RBFOX1: variants seen among roughly 807,000 people sequenced by gnomAD.
The protein encoded by RBFOX1 is RNA binding fox-1 homolog 1.
A neutral mutation model predicts 57.7 loss-of-function variants in RBFOX1; 8 were observed. The ratio of observed to expected loss-of-function variants is 0.14; its 90% confidence interval spans 0.08 to 0.25. The LOEUF (loss-of-function observed/expected upper bound fraction) is 0.25. RBFOX1 is among the 10% of genes least tolerant of loss of function. The probability of loss-of-function intolerance (pLI) is 1.00; values close to 1 mark genes in which losing one functional copy is unlikely to be tolerated. For missense variants in RBFOX1, 611 were observed against 548.5 expected, an observed-to-expected ratio of 1.11 and a Z score of -1.14; for synonymous variants, 326 against 222.4, an observed-to-expected ratio of 1.47 and a Z score of -4.15.
chr16:5,289,599 A>G (rs1229375190), intron 1 of RBFOX1, among the ~76,000 whole-genome samples: 2 of 152,240 alleles, frequency 1.3e-5, no homozygotes, highest in Non-Finnish European at 2.9e-5. Flanking sequence ...AAACGTGGTT[A>G]CTACAAAATG....
chr16:6,606,283 A>G (rs2097924214), intron 2 of RBFOX1, among the ~76,000 whole-genome samples: 1 of 152,082 alleles, frequency 6.6e-6, no homozygotes, highest in Non-Finnish European at 1.5e-5. Flanking sequence ...TTAGAAAGCC[A>G]CTTCTTCCTG....
intron 3 of RBFOX1, among the ~76,000 whole-genome samples, chr16:6,803,911 A>G (rs114560641): frequency 0.013 from 1,909 of 152,246 alleles, 48 homozygotes; most frequent in African/African-American, 0.044. Flanking sequence ...AGCTTTTACC[A>G]TTGTTGTAGA....
chr16:6,614,013 C>T (rs1364935828), intron 2 of RBFOX1, among the ~76,000 whole-genome samples: 1 of 152,160 alleles, frequency 6.6e-6, no homozygotes, highest in Admixed American at 6.6e-5. Context: ...AATTACTAAC[C>T]AGAGTTTTTC....
At chr16:6,832,980 C>T (rs187774807) in intron 3 of RBFOX1, among the ~76,000 whole-genome samples, 2 of 152,260 alleles carry the variant, frequency 1.3e-5, no homozygotes, top group East Asian at 1.9e-4. Flanking sequence ...TATGTAACTC[C>T]TGCTCCTCAT....
chr16:6,780,508 TTA>T (rs1377397313), intron 3 of RBFOX1, among the ~76,000 whole-genome samples: 17 of 117,202 alleles, frequency 1.5e-4, no homozygotes, highest in African/African-American at 5.3e-4. Flanking sequence ...TTTTATATAT[TTA>T]TATATACATT....
At chr16:7,306,108 C>G (rs919822357) in intron 4 of RBFOX1, among the ~76,000 whole-genome samples, 1 of 152,064 alleles carries the variant, frequency 6.6e-6, no homozygotes, top group Admixed American at 6.5e-5. Context: ...TATCATTTAC[C>G]TAGCAAGTAG....
chr16:7,309,503 C>G (rs60850474), intron 4 of RBFOX1, among the ~76,000 whole-genome samples: 11,783 of 152,264 alleles, frequency 0.077, 701 homozygotes, highest in South Asian at 0.22. Context: ...TGCAACTGGC[C>G]GCTCCTGCCT....
At chr16:6,307,118 G>C (rs1319420372) in intron 1 of RBFOX1, among the ~76,000 whole-genome samples, 1 of 152,180 alleles carries the variant, frequency 6.6e-6, no homozygotes, top group African/African-American at 2.4e-5. Context: ...GTTGACTAGT[G>C]GTAAAACCTG....
At chr16:6,268,217 C>G (rs1165607699) in intron 1 of RBFOX1, among the ~76,000 whole-genome samples, 3 of 152,136 alleles carry the variant, frequency 2.0e-5, no homozygotes, top group Non-Finnish European at 4.4e-5. Context: ...TGTTCAAATG[C>G]TTTTGTTTTG....
chr16:7,196,532 T>C (rs2086740116), intron 4 of RBFOX1, among the ~76,000 whole-genome samples: 1 of 152,202 alleles, frequency 6.6e-6, no homozygotes, highest in South Asian at 2.1e-4. Flanking sequence ...TGCAACCGGC[T>C]CTTTAAATGC....
intron 4 of RBFOX1, among the ~76,000 whole-genome samples, chr16:7,105,279 T>C (rs1567274869): frequency 9.1e-6 from 1 of 110,328 alleles, no homozygotes; most frequent in Non-Finnish European, 1.8e-5. Context: ...TCTGGAACCA[T>C]ATGGTCTGAT....
intron 3 of RBFOX1, among the ~76,000 whole-genome samples, chr16:7,019,752 G>T (rs1162811087): frequency 6.6e-6 from 1 of 152,130 alleles, no homozygotes; most frequent in Non-Finnish European, 1.5e-5. Flanking sequence ...CATGTTTATG[G>T]GCTTTGCCCA....
At chr16:7,256,805 GCT>G (rs1352728806) in intron 4 of RBFOX1, among the ~76,000 whole-genome samples, 2 of 152,120 alleles carry the variant, frequency 1.3e-5, no homozygotes, top group Non-Finnish European at 2.9e-5. Context: ...CCAGTCACCA[GCT>G]CTCTCACCGT....
rs1164703544 is a variant in RBFOX1, at chr16:7,616,734, G to A, written c.676+9396G>A. The stretch of plus-strand genomic sequence containing the variant: ...TTTAGTAGAGATGGGCTTTCATCAC[G>A]TTAGCCAGGCTGGTCTTGAACTCCT... On this transcript the variant is annotated intron_variant, in intron 10 of 15. Coordinates refer to ENST00000550418, the MANE Select transcript of RBFOX1 (RefSeq NM_018723.4). 3.3e-5 allele frequency among the ~76,000 whole-genome samples: 5 copies of A among 152,184 alleles called. No individual in the cohort carries two copies. The East Asian group carries it at 5.8e-4, about 18-fold the overall frequency.
chr16:6,802,826 G>C (rs1305321952), intron 3 of RBFOX1, among the ~76,000 whole-genome samples: 1 of 152,184 alleles, frequency 6.6e-6, no homozygotes, highest in Non-Finnish European at 1.5e-5. Context: ...CGGAGACTTG[G>C]CTATGAAGAA....
chr16:5,532,606 A>G (rs1429801366), intron 2 of RBFOX1, among the ~76,000 whole-genome samples: 1 of 152,234 alleles, frequency 6.6e-6, no homozygotes, highest in Non-Finnish European at 1.5e-5. Context: ...TGAATGGATG[A>G]ATAAATGAAT....
At chr16:7,675,219 C>T (rs2072910359) in intron 13 of RBFOX1, among the ~76,000 whole-genome samples, 1 of 150,096 alleles carries the variant, frequency 6.7e-6, no homozygotes, top group Non-Finnish European at 1.5e-5. Flanking sequence ...ACCTGGTGAC[C>T]CAATTTCTCT....
At chr16:6,002,429 C>G (rs1786702901) in intron 4 of RBFOX1, among the ~76,000 whole-genome samples, 1 of 152,228 alleles carries the variant, frequency 6.6e-6, no homozygotes, top group African/African-American at 2.4e-5. Flanking sequence ...GTTAACAAGA[C>G]TCACTTTCCA....
chr16:7,366,733 C>T (rs1264383935), intron 4 of RBFOX1, among the ~76,000 whole-genome samples: 2 of 151,756 alleles, frequency 1.3e-5, no homozygotes, highest in African/African-American at 2.4e-5. Flanking sequence ...CCAATTATGG[C>T]AGCTACAAAG....
Sources: allele counts gnomAD v4.1 joint callset (sites outside exome capture counted in the v4.1 genomes callset), GRCh38; gene constraint gnomAD v4.1.1; transcripts MANE v1.5; gene names NCBI Gene and HGNC (gene_info 2026-07-23, HGNC 2026-07-21).